The following KIAA1217 variants were observed in gnomAD, a reference collection of about 807,000 sequenced individuals.
The protein encoded by KIAA1217 is KIAA1217.
A neutral mutation model predicts 163.9 loss-of-function variants in KIAA1217; 88 were observed. The ratio of observed to expected loss-of-function variants is 0.54; its 90% confidence interval spans 0.45 to 0.64. The LOEUF is 0.64. Ranked by LOEUF, KIAA1217 falls within the 30% of genes least tolerant of loss-of-function variation. The pLI is 0.00. For synonymous variants in KIAA1217, 903 were observed against 923.1 expected, an observed-to-expected ratio of 0.98 and a Z score of 0.39; for missense variants, 2,372 against 2,475.0, an observed-to-expected ratio of 0.96 and a Z score of 0.88.
intron 2 of KIAA1217, among the ~76,000 whole-genome samples, chr10:24,142,346 T>C (rs912944418): frequency 2.6e-5 from 4 of 152,202 alleles, no homozygotes; most frequent in Non-Finnish European, 4.4e-5. Context: ...CTCTACTTTT[T>C]GTTAAATTAC....
intron 2 of KIAA1217, among the ~76,000 whole-genome samples, chr10:24,288,305 G>A (rs994202970): frequency 3.3e-5 from 5 of 152,206 alleles, no homozygotes; most frequent in African/African-American, 1.2e-4. Flanking sequence ...AGTAAACTGA[G>A]TTATATGATT....
intron 1 of KIAA1217, among the ~76,000 whole-genome samples, chr10:23,808,731 G>GA (rs1836854337): frequency 6.6e-6 from 1 of 151,976 alleles, no homozygotes; most frequent in Non-Finnish European, 1.5e-5. Flanking sequence ...TGTCAGAAGA[G>GA]AAAATAAAAG....
At chr10:23,952,874 A>G (rs1037126267) in intron 1 of KIAA1217, among the ~76,000 whole-genome samples, 1 of 152,240 alleles carries the variant, frequency 6.6e-6, no homozygotes, top group East Asian at 1.9e-4. Flanking sequence ...CATTTCAAGC[A>G]TGAGGACTTG....
At chr10:24,032,592 G>A (rs1848232970) in intron 2 of KIAA1217, among the ~76,000 whole-genome samples, 1 of 152,128 alleles carries the variant, frequency 6.6e-6, no homozygotes, top group Non-Finnish European at 1.5e-5. Context: ...AGTCTCATTA[G>A]AATCCTTTAA....
intron 5 of KIAA1217, among the ~76,000 whole-genome samples, chr10:24,446,655 A>G (rs2060958758): frequency 6.6e-6 from 1 of 152,240 alleles, no homozygotes. Flanking sequence ...CCCTTCACTC[A>G]TGCAATGACA....
intron 2 of KIAA1217, among the ~76,000 whole-genome samples, chr10:24,011,384 G>A (rs964685628): frequency 6.6e-6 from 1 of 152,104 alleles, no homozygotes; most frequent in African/African-American, 2.4e-5. Context: ...CTACTCAGGA[G>A]GCTGAGGTGG....
At chr10:23,845,599 A>G (rs1237386040) in intron 1 of KIAA1217, among the ~76,000 whole-genome samples, 1 of 151,948 alleles carries the variant, frequency 6.6e-6, no homozygotes, top group East Asian at 1.9e-4. Flanking sequence ...TTTCTTGTAA[A>G]TTTGTTTAAG....
intron 2 of KIAA1217, among the ~76,000 whole-genome samples, chr10:24,229,473 T>G (rs888800421): frequency 3.9e-5 from 6 of 152,218 alleles, no homozygotes; most frequent in Non-Finnish European, 7.3e-5. Context: ...AACTAATGAC[T>G]GAATATGAGT....
At chr10:23,719,745 C>A (rs910273657) in intron 1 of KIAA1217, among the ~76,000 whole-genome samples, 2 of 151,776 alleles carry the variant, frequency 1.3e-5, no homozygotes, top group African/African-American at 4.8e-5. Context: ...GGTGAAACCC[C>A]ATCTCCACTA....
chr10:23,906,151 C>T (rs1842154201), intron 1 of KIAA1217, among the ~76,000 whole-genome samples: 1 of 151,992 alleles, frequency 6.6e-6, no homozygotes, highest in African/African-American at 2.4e-5. Context: ...GGGCTAATCA[C>T]CTTTTAAAGG....
At chr10:23,879,712 CAG>C (rs1840864448) in intron 1 of KIAA1217, among the ~76,000 whole-genome samples, 1 of 151,742 alleles carries the variant, frequency 6.6e-6, no homozygotes, top group African/African-American at 2.4e-5. Flanking sequence ...AGTAGAGAAT[CAG>C]GGAGTTAGCT....
At chr10:23,947,093 A>T (rs1435890540) in intron 1 of KIAA1217, among the ~76,000 whole-genome samples, 1 of 152,278 alleles carries the variant, frequency 6.6e-6, no homozygotes, top group East Asian at 1.9e-4. Context: ...TTCTGCCATG[A>T]TTGTAAGTTT....
At chr10:24,373,867 C>T (rs557199537) in intron 2 of KIAA1217, among the ~76,000 whole-genome samples, 2 of 152,228 alleles carry the variant, frequency 1.3e-5, no homozygotes, top group East Asian at 3.9e-4. Flanking sequence ...CCGTGGGCAG[C>T]GGGTAATGGG....
chr10:24,159,641 G>A (rs925171118), intron 2 of KIAA1217, among the ~76,000 whole-genome samples: 19 of 152,126 alleles, frequency 1.2e-4, no homozygotes, highest in African/African-American at 1.9e-4. Context: ...AAATTAGCTC[G>A]GCGTGCTGGC....
chr10:23,867,435 C>A (rs2131151497), intron 1 of KIAA1217, among the ~76,000 whole-genome samples: 1 of 152,260 alleles, frequency 6.6e-6, no homozygotes, highest in East Asian at 1.9e-4. Context: ...CACTGACTTC[C>A]ACAATGGTTG....
Position 24,513,434 on chromosome 10 carries a change from G to A in KIAA1217, c.2177G>A (p.Cys726Tyr). Reference sequence around the variant, plus strand: ...GAAGAGAAGATCGTCAAGAAGTTGTGGTGAGTGCCAGTCACTTGCATGTTG... The same window carrying A: ...GAAGAGAAGATCGTCAAGAAGTTGTAGTGAGTGCCAGTCACTTGCATGTTG... ...HEEEKIVKKL[C>Y]ELEDFVEDLK... The change falls in exon 10 of 21, where the codon TGC (cysteine) becomes TAC (tyrosine). Residue 726 changes from cysteine to tyrosine, a missense_variant and splice_region_variant. Cys to Tyr is a radical substitution (Grantham distance 194). Coordinates refer to ENST00000376454, the MANE Select transcript of KIAA1217 (RefSeq NM_019590.5). 6.2e-7 allele frequency: 1 copy of A among 1,613,776 alleles called. No homozygotes were observed. Among genetic ancestry groups the A allele is most frequent in the South Asian group, 1.1e-5 (1 of 91,040 alleles).
chr10:23,724,990 C>T (rs1838058054), intron 1 of KIAA1217, among the ~76,000 whole-genome samples: 1 of 151,542 alleles, frequency 6.6e-6, no homozygotes. Flanking sequence ...ATTGGTTCTA[C>T]CTTAGTTCTA....
At chr10:23,952,329 C>T (rs1049414224) in intron 1 of KIAA1217, among the ~76,000 whole-genome samples, 2 of 152,150 alleles carry the variant, frequency 1.3e-5, no homozygotes, top group Non-Finnish European at 2.9e-5. Context: ...CATTGCTTCC[C>T]GTGTTCTGGA....
intron 1 of KIAA1217, among the ~76,000 whole-genome samples, chr10:23,807,413 A>C (rs77029707): frequency 0.043 from 6,553 of 152,332 alleles, 183 homozygotes; most frequent in South Asian, 0.081. Context: ...TGGGGTTGTG[A>C]TGTTACACAG....
Sources: allele counts gnomAD v4.1 joint callset (sites outside exome capture counted in the v4.1 genomes callset), GRCh38; gene constraint gnomAD v4.1.1; transcripts MANE v1.5; gene names NCBI Gene and HGNC (gene_info 2026-07-23, HGNC 2026-07-21).